WWOX: variants seen among roughly 807,000 people sequenced by gnomAD.
WWOX encodes WW domain containing oxidoreductase.
A neutral mutation model predicts 46.2 loss-of-function variants in WWOX; 69 were observed. The observed-to-expected ratio is 1.49, with a 90% CI of 1.23 to 1.82. The LOEUF (loss-of-function observed/expected upper bound fraction) is 1.82, where lower values mean the gene tolerates loss of function less well. Among genes scored for constraint, WWOX ranks in the 40% most tolerant of loss-of-function variants. The pLI is 0.00. For missense variants in WWOX, 919 were observed against 542.6 expected, an observed-to-expected ratio of 1.69 and a Z score of -6.89; for synonymous variants, 359 against 202.6, an observed-to-expected ratio of 1.77 and a Z score of -6.56.
chr16:78,861,737 A>G (rs1414668594), intron 8 of WWOX, among the ~76,000 whole-genome samples: 1 of 152,126 alleles, frequency 6.6e-6, no homozygotes, highest in Admixed American at 6.5e-5. Context: ...AAAACCTTTA[A>G]CTCATTTCCT....
chr16:78,596,587 C>T (rs1881736195), intron 8 of WWOX, among the ~76,000 whole-genome samples: 1 of 152,070 alleles, frequency 6.6e-6, no homozygotes, highest in Non-Finnish European at 1.5e-5. Context: ...CAAGGACCAG[C>T]CAGCTGAGGT....
chr16:78,633,942 G>C (rs1195186282), intron 8 of WWOX, among the ~76,000 whole-genome samples: 1 of 150,068 alleles, frequency 6.7e-6, no homozygotes, highest in Admixed American at 6.7e-5. Context: ...AACAGTTCCA[G>C]CTCTGCCGAC....
chr16:79,112,437 C>A (rs1226597458), intron 8 of WWOX, among the ~76,000 whole-genome samples: 1 of 152,168 alleles, frequency 6.6e-6, no homozygotes, highest in Non-Finnish European at 1.5e-5. Context: ...GAATATCCAT[C>A]CATCTGGGGG....
intron 8 of WWOX, among the ~76,000 whole-genome samples, chr16:78,454,098 C>G (rs1391074139): frequency 1.3e-5 from 2 of 152,188 alleles, no homozygotes; most frequent in African/African-American, 2.4e-5. Context: ...AATTCCCCAG[C>G]AAGCCTCTTC....
chr16:78,847,830 G>A (rs1178604639), intron 8 of WWOX, among the ~76,000 whole-genome samples: 5 of 152,110 alleles, frequency 3.3e-5, no homozygotes, highest in Admixed American at 2.6e-4. Flanking sequence ...ATCAACACCT[G>A]TCCTGTATGA....
intron 8 of WWOX, among the ~76,000 whole-genome samples, chr16:78,704,880 A>AT (rs1567503677): frequency 7.0e-6 from 1 of 142,834 alleles, no homozygotes; most frequent in African/African-American, 2.6e-5. Context: ...CAACTCTTTT[A>AT]TTTTTTTTAA....
chr16:78,745,299 C>T (rs79625209), intron 8 of WWOX, among the ~76,000 whole-genome samples: 7,526 of 152,232 alleles, frequency 0.049, 542 homozygotes, highest in African/African-American at 0.15. Context: ...GCATCTTCCC[C>T]GCCTTCCTCC....
intron 8 of WWOX, among the ~76,000 whole-genome samples, chr16:78,602,292 G>C (rs767730067): frequency 1.3e-5 from 2 of 152,292 alleles, no homozygotes; most frequent in East Asian, 3.9e-4. Context: ...GAGTGCAGTG[G>C]TGTAATCTCG....
intron 8 of WWOX, among the ~76,000 whole-genome samples, chr16:79,130,031 G>C (rs1393389642): frequency 1.3e-5 from 2 of 152,310 alleles, no homozygotes; most frequent in East Asian, 3.9e-4. Context: ...CTCCTTGTTA[G>C]CAGTTTTCAT....
At chr16:78,878,118 G>A (rs923257167) in intron 8 of WWOX, among the ~76,000 whole-genome samples, 10 of 152,086 alleles carry the variant, frequency 6.6e-5, no homozygotes, top group African/African-American at 2.2e-4. Flanking sequence ...ACTGGGGTTC[G>A]GAATACAACT....
intron 8 of WWOX, among the ~76,000 whole-genome samples, chr16:79,116,254 G>A (rs1018216974): frequency 3.3e-5 from 5 of 152,096 alleles, no homozygotes; most frequent in South Asian, 4.1e-4. Context: ...AATAAGACAA[G>A]GATAAAGCTT....
chr16:78,920,803 G>A (rs1272071371), intron 8 of WWOX, among the ~76,000 whole-genome samples: 1 of 152,156 alleles, frequency 6.6e-6, no homozygotes, highest in Non-Finnish European at 1.5e-5. Flanking sequence ...AAAATAAAAT[G>A]TTTTCCAAAA....
Position 78,798,742 on chromosome 16 carries a change from G to A in WWOX, c.1056+365990G>A, listed in dbSNP as rs571815808. Among the ~76,000 whole-genome samples, 13 of 152,234 alleles carry A rather than the reference G, an allele frequency of 8.5e-5. No homozygotes were observed. The South Asian group carries it at 2.7e-3, about 32-fold the overall frequency. On this transcript the variant is annotated intron_variant, in intron 8 of 8. Transcript: ENST00000566780. Reference sequence around the variant, plus strand: ...ACAGCAGAGTATAACAATGATAAATGATGTTGTGTGTAATTTTTCTACTAT... The same window carrying A: ...ACAGCAGAGTATAACAATGATAAATAATGTTGTGTGTAATTTTTCTACTAT...
At chr16:78,319,769 G>C (rs761594385) in intron 5 of WWOX, among the ~76,000 whole-genome samples, 4 of 152,114 alleles carry the variant, frequency 2.6e-5, no homozygotes, top group Admixed American at 6.5e-5. Flanking sequence ...AGGTCTCTCT[G>C]TGCTACCCCT....
intron 8 of WWOX, among the ~76,000 whole-genome samples, chr16:78,913,432 C>A (rs929043900): frequency 6.6e-6 from 1 of 151,908 alleles, no homozygotes; most frequent in Non-Finnish European, 1.5e-5. Context: ...ACCTGTCTTG[C>A]AAAACCCTCA....
chr16:79,079,141 C>G (rs1011631266), intron 8 of WWOX, among the ~76,000 whole-genome samples: 3 of 152,196 alleles, frequency 2.0e-5, no homozygotes, highest in Non-Finnish European at 2.9e-5. Context: ...GCAATGCTCT[C>G]TTCCAAGTAG....
chr16:78,946,682 G>A (rs2045954907), intron 8 of WWOX, among the ~76,000 whole-genome samples: 1 of 152,092 alleles, frequency 6.6e-6, no homozygotes, highest in South Asian at 2.1e-4. Context: ...ACATGTTGCA[G>A]GCCTGGAAAA....
intron 8 of WWOX, among the ~76,000 whole-genome samples, chr16:78,549,937 AAAAAG>A (rs1233310150): frequency 2.0e-5 from 3 of 152,190 alleles, no homozygotes; most frequent in Non-Finnish European, 4.4e-5. Flanking sequence ...AAGAAAGAAA[AAAAAG>A]AAAAGTCAGG....
intron 8 of WWOX, among the ~76,000 whole-genome samples, chr16:78,811,390 G>A (rs1436121747): frequency 2.6e-5 from 4 of 152,054 alleles, no homozygotes; most frequent in African/African-American, 9.7e-5. Context: ...CTATCACTGT[G>A]TACATTTACT....
Sources: gnomAD v4.1 joint callset for allele counts (sites outside exome capture counted in the v4.1 genomes callset) on GRCh38, gnomAD v4.1.1 for gene constraint, MANE v1.5 for transcripts, NCBI Gene and HGNC (gene_info 2026-07-23, HGNC 2026-07-21) for gene names.